The following ABCA2 variants were observed in gnomAD, a reference collection of about 807,000 sequenced individuals.
The protein encoded by ABCA2 is ATP-binding cassette sub-family A member 2.
In ABCA2, 84 loss-of-function variants were observed where a neutral mutation model predicts 262.8. The ratio of observed to expected loss-of-function variants is 0.32; its 90% CI spans 0.27 to 0.38. ABCA2 has a LOEUF of 0.38. Among genes scored for constraint, ABCA2 ranks in the 10% least tolerant of loss-of-function variants. The pLI, the probability that ABCA2 is intolerant of heterozygous loss-of-function variation, is 1.00. For missense variants in ABCA2, 2,662 were observed against 3,405.9 expected, an observed-to-expected ratio of 0.78 and a Z score of 5.44; for synonymous variants, 1,696 against 1,502.9, an observed-to-expected ratio of 1.13 and a Z score of -2.97.
intron 1 of ABCA2, among the ~76,000 whole-genome samples, chr9:137,027,181 C>T (rs1318604804): frequency 6.6e-6 from 1 of 152,250 alleles, no homozygotes; most frequent in African/African-American, 2.4e-5. Context: ...TAAGCTGGTC[C>T]AGGCCTGTGG....
intron 1 of ABCA2, among the ~76,000 whole-genome samples, chr9:137,025,863 C>T (rs976050658): frequency 3.3e-5 from 5 of 152,208 alleles, no homozygotes; most frequent in African/African-American, 4.8e-5. Context: ...AGGCGGCGGG[C>T]GCCACAGCAG....
intron 2 of ABCA2, 23 bp downstream of exon 2, chr9:137,024,120 C>G (rs1234149127): frequency 6.3e-7 from 1 of 1,594,598 alleles, no homozygotes; most frequent in Non-Finnish European, 8.5e-7. Context: ...CCGGCTGTGC[C>G]TGGGGCCTCC....
chr9:137,024,097 G>T, intron 2 of ABCA2, 46 bp downstream of exon 2: 1 of 1,568,438 alleles, frequency 6.4e-7, no homozygotes, highest in Middle Eastern at 1.7e-4. Context: ...GGCGTGCGAG[G>T]TGCCGCGCTC....
chr9:137,019,897 A>G lies in ABCA2; in HGVS notation c.1425+439T>C. The G allele has an allele frequency of 5.0e-6, 1 of 199,748 alleles. No individual in the cohort carries two copies. The highest frequency in any genetic ancestry group is 1.0e-5 in the Non-Finnish European group (1 of 97,904). The allele number at this position is 199,748 out of a possible 1,614,324, so 12.4% of individuals were successfully genotyped here. A position where few individuals can be genotyped will look rare whatever the true frequency, so the allele number is the denominator to read the frequency against. ...CCCTCATCTGTCCCACCCTCATCCT[A>G]GGGACCCCCTCTACACCCAGGATTG... is the stretch of plus-strand genomic sequence containing the variant. On this transcript the variant is annotated intron_variant, in intron 10 of 48. Coordinates refer to ENST00000341511, the MANE Select transcript of ABCA2 (RefSeq NM_001606.5). This position sits in a 1 kb window ranked among gnomAD's most constrained non-coding sequence, Gnocchi z 4.4.
At chr9:137,028,239 G>A (rs1234758883), upstream of ABCA2, 1 of 978,318 alleles carries the variant, frequency 1.0e-6, no homozygotes, top group Non-Finnish European at 1.2e-6. This position sits in a 1 kb window ranked among gnomAD's most constrained non-coding sequence, Gnocchi z 6.9. Flanking sequence ...CGCCCGCGCG[G>A]GGGCGGGGCG....
At position 137,013,091 on chromosome 9, in the gene ABCA2, G is replaced by T; in HGVS notation, c.4778C>A (p.Pro1593Gln). 6.3e-7 allele frequency: 1 copy of T among 1,580,144 alleles called. No individual in the cohort carries two copies. The highest frequency in any genetic ancestry group is 8.6e-7 in the Non-Finnish European group (1 of 1,166,094). ...GLPLSNFVPP[P>Q]PSPAPSDSPA... The stretch of plus-strand genomic sequence containing the variant: ...CGAGTCAGATGGGGCGGGCGAGGGT[G>T]GGGGTGGCACGAAATTGGACAGTGG... The change falls in exon 30 of 49, where the codon CCA becomes CAA. Residue 1593 changes from proline to glutamine, a missense_variant. By Grantham distance (76) the Pro-to-Gln change is moderately conservative. Around this residue, in one of 12 missense-constraint regions of ABCA2, gnomAD observed 192 missense variants for 207.2 expected, o/e 0.93. Coordinates refer to ENST00000341511, the MANE Select transcript of ABCA2 (RefSeq NM_001606.5).
Position 137,018,965 on chromosome 9 carries a change from G to A in ABCA2, c.1660C>T (p.Leu554Phe). 6.2e-7 allele frequency: 1 copy of A among 1,613,030 alleles called. No homozygotes were observed. The highest frequency in any genetic ancestry group is 8.5e-7 in the Non-Finnish European group (1 of 1,179,882). The change falls in exon 12 of 49, where the codon CTC becomes TTC. Residue 554 changes from leucine to phenylalanine, a missense_variant. By Grantham distance (22) the Leu-to-Phe change is conservative. Around this residue, in one of 12 missense-constraint regions of ABCA2, gnomAD observed 187 missense variants for 205.9 expected, o/e 0.91. Coordinates refer to ENST00000341511, the MANE Select transcript of ABCA2 (RefSeq NM_001606.5). The part of the protein sequence containing the change: ...DNFSLPSGMA[L>F]LQQLDTIDNA... ...TCAATGGTATCCAGCTGCTGCAGGA[G>A]GGCCATGCCACTGGGCAGCGAGAAG... is the stretch of plus-strand genomic sequence containing the variant.
rs188524718 is a variant in ABCA2, at chr9:137,014,231, C to T, written c.4177G>A (p.Val1393Ile). 7.1e-5 allele frequency: 115 copies of T among 1,610,242 alleles called. No homozygotes were observed. In the Admixed American group the frequency reaches 9.2e-4, roughly 13 times the overall value. Residue 1393 changes from valine (V) to isoleucine (I), a missense_variant, in exon 27 of 49, where the codon GTC becomes ATC. By Grantham distance (29) the Val-to-Ile change is conservative. This residue lies in a region of ABCA2 where 297 missense variants were observed against 286.5 expected (regional missense o/e 1.04). Transcript: ENST00000341511. The part of the protein sequence containing the change: ...RGDEGAGYTD[V>I]YGDYRPLFDN... ...AAGAGGGGGCGGTAGTCGCCATAGA[C>T]GTCGGTGTAGCCAGCTCCCTCGTCG...
rs768293999 is a variant in ABCA2 at position 137,015,427 on chromosome 9, C to G, written c.3684G>C (p.Pro1228=). 6.4e-7 allele frequency: 1 copy of G among 1,567,156 alleles called. No individual in the cohort carries two copies. The highest frequency in any genetic ancestry group is 8.6e-7 in the Non-Finnish European group (1 of 1,157,764). The change falls in exon 24 of 49, where the codon CCG becomes CCC. Residue 1228 remains proline, a synonymous_variant. Transcript: ENST00000341511. ...TTCAACACAGACCTTGGGGGCCCCC[C>G]GGCTCGGCGGGCCGCTTGACCAGCG... ...RLTLVKRPAE[P]GGPQEPGLAS...
At chr9:137,009,501 GT>G in intron 44 of ABCA2, 39 bp from the exon 45 acceptor site, 1 of 1,611,894 alleles carries the variant, frequency 6.2e-7, no homozygotes, top group Non-Finnish European at 8.5e-7. Context: ...AAGGGGTGCT[GT>G]GGGGTGGGGG....
Position 137,014,190 on chromosome 9 carries a change from G to A in ABCA2, c.4218C>T (p.Asp1406=), listed in dbSNP as rs565881047. The A allele has an allele frequency of 3.7e-6, 6 of 1,608,788 alleles. No individual in the cohort carries two copies. The Admixed American group carries it at 1.0e-4, about 27-fold the overall frequency. The part of the protein sequence containing the change: ...DYRPLFDNPQ[D]PDNVSLQEVE... ...CACCTTGCAGGCTGACATTGTCTGG[G>A]TCCTGTGGGTTATCAAAGAGGGGGC... Residue 1406 remains aspartate, a synonymous_variant, in exon 27 of 49, where the codon GAC becomes GAT. Transcript: ENST00000341511.
Position 137,021,663 on chromosome 9 carries a change from C to A in ABCA2, c.679-53G>T. 4.0e-6 allele frequency: 6 copies of A among 1,517,318 alleles called. No homozygotes were observed. Among genetic ancestry groups the A allele is most frequent in the South Asian group, 1.2e-5 (1 of 82,778 alleles). The allele number at this position is 1,517,318 out of a possible 1,614,324, so 94.0% of individuals were successfully genotyped here. A position where few individuals can be genotyped will look rare whatever the true frequency, so the allele number is the denominator to read the frequency against. ...CCACGGCAAGGACTTTGTCCCCAAC[C>A]ACTAGGGCCTCAGGCCTCACCCTGC... On this transcript the variant is annotated intron_variant, in intron 7 of 48. Coordinates refer to ENST00000341511, the MANE Select transcript of ABCA2 (RefSeq NM_001606.5). The surrounding 1 kb of genome is among the most constrained non-coding windows in gnomAD (Gnocchi z 6.0).
upstream of ABCA2, chr9:137,028,723 G>C (rs749666280): frequency 7.9e-7 from 1 of 1,262,650 alleles, no homozygotes; most frequent in Non-Finnish European, 1.0e-6. This position sits in a 1 kb window ranked among gnomAD's most constrained non-coding sequence, Gnocchi z 6.9. Flanking sequence ...CCACCTGGAA[G>C]GGAGGCAGGG....
In ABCA2 at chr9:137,014,961, G is replaced by C; in HGVS notation, c.3834C>G (p.Ile1278Met). Residue 1278 changes from isoleucine (I) to methionine (M), a missense_variant, in exon 25 of 49, where the codon ATC becomes ATG. By Grantham distance (10) the Ile-to-Met change is conservative. Transcript: ENST00000341511. ...CCTTCTTGGCGGCCTCGCTGGGCAGGATGTAGGAGAGCTCCGTGCTTGTGT... is the reference window on the plus strand; with the variant it reads ...CCTTCTTGGCGGCCTCGCTGGGCAGCATGTAGGAGAGCTCCGTGCTTGTGT... ...VSDTSTELSY[I>M]LPSEAAKKGA... 1 of 1,571,134 alleles carries C rather than the reference G, an allele frequency of 6.4e-7. No homozygotes were observed. The highest frequency in any genetic ancestry group is 8.6e-7 in the Non-Finnish European group (1 of 1,156,404).
At position 137,022,726 on chromosome 9, in the gene ABCA2, C is replaced by A. The variant is rs765105848; in HGVS notation, c.415G>T (p.Gly139Trp). The change falls in exon 5 of 49, where the codon GGG becomes TGG. Residue 139 changes from glycine to tryptophan, a missense_variant. Physicochemically the swap from Gly to Trp is radical, Grantham distance 184. Around this residue, in one of 12 missense-constraint regions of ABCA2, gnomAD observed 403 missense variants for 375.9 expected, o/e 1.07. Coordinates refer to ENST00000341511, the MANE Select transcript of ABCA2 (RefSeq NM_001606.5). ...CCTGTGGATCTGTCCAGGTGGCTCCCCGAGGTGCCCGGGCCCGCACTGAGG... is the reference window on the plus strand; with the variant it reads ...CCTGTGGATCTGTCCAGGTGGCTCCACGAGGTGCCCGGGCCCGCACTGAGG... ...EALSAGPGTS[G>W]SHLDRSTVSS... 3.7e-6 allele frequency: 6 copies of A among 1,606,142 alleles called. No individual in the cohort carries two copies. The South Asian group carries it at 5.6e-5, about 15-fold the overall frequency.
In ABCA2 at chr9:137,022,746, C is replaced by T. The variant is rs749536003; in HGVS notation, c.395G>A (p.Ser132Asn). The T allele has an allele frequency of 6.2e-7, 1 of 1,605,438 alleles. No homozygotes were observed. Among genetic ancestry groups the T allele is most frequent in the South Asian group, 1.1e-5 (1 of 89,518 alleles). Reference protein sequence around the residue: ...EALRQHLEALSAGPGTSGSHL... With the variant: ...EALRQHLEALNAGPGTSGSHL... ...GCTCCCCGAGGTGCCCGGGCCCGCA[C>T]TGAGGGCCTCCAGATGCTGGCGTAG... Residue 132 changes from serine (S) to asparagine (N), a missense_variant, in exon 5 of 49, where the codon AGT becomes AAT. Physicochemically the swap from Ser to Asn is conservative, Grantham distance 46. Around this residue, in one of 12 missense-constraint regions of ABCA2, gnomAD observed 403 missense variants for 375.9 expected, o/e 1.07. Transcript: ENST00000341511.
chr9:137,009,693 C>A, intron 43 of ABCA2, 49 bp from the exon 44 acceptor site: 1 of 1,611,860 alleles, frequency 6.2e-7, no homozygotes, highest in Admixed American at 1.7e-5. Flanking sequence ...CACACCCCAG[C>A]CTGAACGCTG....
rs755173795 is a variant in ABCA2, at chr9:137,021,443, C to A, written c.846G>T (p.Gly282=). 6.2e-7 allele frequency: 1 copy of A among 1,611,612 alleles called. No homozygotes were observed. Among genetic ancestry groups the A allele is most frequent in the African/African-American group, 1.3e-5 (1 of 74,914 alleles). The change falls in exon 8 of 49, where the codon GGG becomes GGT. Residue 282 remains glycine, a synonymous_variant. Coordinates refer to ENST00000341511, the MANE Select transcript of ABCA2 (RefSeq NM_001606.5). This position sits in a 1 kb window ranked among gnomAD's most constrained non-coding sequence, Gnocchi z 6.0. ...QAAARARRFS[G]LSAELRNQLD... is the part of the protein sequence containing the mutation. ...GCTGGTTCCGGAGCTCAGCAGACAG[C>A]CCAGAGAAGCGCCTGGCACGCGCAG... is the stretch of plus-strand genomic sequence containing the variant.
At position 137,011,216 on chromosome 9, in the gene ABCA2, C is replaced by T. The variant is rs750824892; in HGVS notation, c.5893G>A (p.Glu1965Lys). 21 of 1,612,404 alleles carry T rather than the reference C, an allele frequency of 1.3e-5. No individual in the cohort carries two copies. Among genetic ancestry groups the T allele is most frequent in the African/African-American group, 2.7e-5 (2 of 74,876 alleles). ...TTGGCGTAGTACTCGTTGATGTACT[C>T]GTTGTAGGCCATCTCCATGAGCCCG... ...GHGLMEMAYN[E>K]YINEYYAKIG... is the part of the protein sequence containing the mutation. Residue 1965 changes from glutamate to lysine, a missense_variant, in exon 38 of 49, where the codon GAG (glutamate) becomes AAG (lysine). Physicochemically the swap from Glu to Lys is moderately conservative, Grantham distance 56. Coordinates refer to ENST00000341511, the MANE Select transcript of ABCA2 (RefSeq NM_001606.5). This position sits in a 1 kb window ranked among gnomAD's most constrained non-coding sequence, Gnocchi z 8.8.
Sources: gnomAD v4.1 joint callset for allele counts (sites outside exome capture counted in the v4.1 genomes callset) on GRCh38, gnomAD v4.1.1 for gene constraint, gnomAD v4.1.1 regional missense constraint, Gnocchi (gnomAD v3.1) non-coding constraint, MANE v1.5 for transcripts, NCBI Gene and HGNC (gene_info 2026-07-23, HGNC 2026-07-21) for gene names.